BMP6: variants seen among roughly 807,000 people sequenced by gnomAD.
BMP6 encodes the protein VG-1-R.
In BMP6, 17 loss-of-function variants were observed where a neutral mutation model predicts 54.1. That is an observed-to-expected ratio of 0.31 (90% CI 0.22 to 0.47). The LOEUF (loss-of-function observed/expected upper bound fraction) is 0.47. BMP6 is among the 20% of genes least tolerant of loss of function. The pLI is 1.00. For synonymous variants in BMP6, 328 were observed against 291.2 expected (o/e 1.13, Z -1.28); for missense variants, 720 against 690.4 (o/e 1.04, Z -0.48).
At chr6:7,791,731 A>G (rs1056387758) in intron 1 of BMP6, among the ~76,000 whole-genome samples, 15 of 152,150 alleles carry the variant, frequency 9.9e-5, no homozygotes, top group African/African-American at 3.4e-4. Context: ...TCTCCAGCGA[A>G]TGACGTTGCC....
chr6:7,753,235 CAA>C, intron 1 of BMP6, among the ~76,000 whole-genome samples: 1 of 152,198 alleles, frequency 6.6e-6, no homozygotes, highest in African/African-American at 2.4e-5. Context: ...GACTTCGCCC[CAA>C]GTCATCCACT....
intron 4 of BMP6, 133 bp from the exon 5 acceptor site, chr6:7,878,941 T>C: frequency 1.2e-6 from 1 of 845,858 alleles, no homozygotes. Flanking sequence ...AGCTGTTGGG[T>C]GACCATACTT....
Position 7,742,865 on chromosome 6 carries a change from A to C in BMP6, c.664+15246A>C, listed in dbSNP as rs145297034. 2.2e-4 allele frequency among the ~76,000 whole-genome samples: 33 copies of C among 152,286 alleles called. No individual in the cohort carries two copies. The East Asian group carries it at 6.0e-3, about 28-fold the overall frequency. On this transcript the variant is annotated intron_variant, in intron 1 of 6. Transcript: ENST00000283147. ...AAAATTAAACAACCCTTCAGTACTT[A>C]AATTATGTATAATGAGACAGGTAGG...
intron 2 of BMP6, among the ~76,000 whole-genome samples, chr6:7,849,677 A>G (rs1012931975): frequency 6.6e-6 from 1 of 152,230 alleles, no homozygotes; most frequent in South Asian, 2.1e-4. Context: ...TGAATTTTGT[A>G]TACCTAGAAG....
intron 3 of BMP6, 133 bp downstream of exon 3, chr6:7,861,732 C>T: frequency 7.6e-7 from 1 of 1,321,528 alleles, no homozygotes; most frequent in Non-Finnish European, 1.0e-6. Flanking sequence ...TACTGATCCC[C>T]CATGACTTGC....
chr6:7,770,034 C>T (rs942812445), intron 1 of BMP6, among the ~76,000 whole-genome samples: 1 of 152,146 alleles, frequency 6.6e-6, no homozygotes, highest in African/African-American at 2.4e-5. Flanking sequence ...ATGTCCCCTC[C>T]TCCAACACCA....
intron 2 of BMP6, among the ~76,000 whole-genome samples, chr6:7,850,931 T>C (rs1759133260): frequency 6.6e-6 from 1 of 152,238 alleles, no homozygotes; most frequent in Admixed American, 6.5e-5. Context: ...ATAAATTAGG[T>C]GACTATATAT....
chr6:7,759,176 G>A (rs555563023), intron 1 of BMP6, among the ~76,000 whole-genome samples: 98 of 152,194 alleles, frequency 6.4e-4, no homozygotes, highest in African/African-American at 2.1e-3. Flanking sequence ...TTTCATATCC[G>A]TTAAGTTCCT....
At chr6:7,783,774 A>G (rs1183640599) in intron 1 of BMP6, among the ~76,000 whole-genome samples, 1 of 152,220 alleles carries the variant, frequency 6.6e-6, no homozygotes, top group Non-Finnish European at 1.5e-5. Flanking sequence ...GTCCATTCCA[A>G]ATAGTCAGCA....
intron 1 of BMP6, among the ~76,000 whole-genome samples, chr6:7,763,039 A>G (rs906968300): frequency 4.6e-5 from 7 of 152,224 alleles, no homozygotes; most frequent in Non-Finnish European, 8.8e-5. Flanking sequence ...GTAAACTCCT[A>G]TGCGCCTTTG....
At chr6:7,875,360 C>G (rs1214097958) in intron 4 of BMP6, among the ~76,000 whole-genome samples, 1 of 152,082 alleles carries the variant, frequency 6.6e-6, no homozygotes, top group Non-Finnish European at 1.5e-5. Flanking sequence ...CCAGAAATAC[C>G]TTCACAGATA....
rs1759334509 is a variant in BMP6, at chr6:7,861,504, G to C, written c.911G>C (p.Gly304Ala). 2 of 1,614,030 alleles carry C rather than the reference G, an allele frequency of 1.2e-6. No homozygotes were observed. Among genetic ancestry groups the C allele is most frequent in the Non-Finnish European group, 1.7e-6 (2 of 1,180,036 alleles). ...CGTGTAGTATGGGCCTCAGAAGAAGGCTGGCTGGAATTTGACATCACGGCC... is the reference window on the plus strand; with the variant it reads ...CGTGTAGTATGGGCCTCAGAAGAAGCCTGGCTGGAATTTGACATCACGGCC... ...DTRVVWASEE[G>A]WLEFDITATS... The change falls in exon 3 of 7, where the codon GGC becomes GCC. Residue 304 changes from glycine (G) to alanine (A), a missense_variant. Around this residue, in one of 3 missense-constraint regions of BMP6, gnomAD observed 650 missense variants for 556.3 expected, o/e 1.17. Transcript: ENST00000283147.
chr6:7,727,455 G>A lies in BMP6; in HGVS notation c.500G>A (p.Ser167Asn). 1 of 1,599,316 alleles carries A rather than the reference G, an allele frequency of 6.3e-7. No individual in the cohort carries two copies. The highest frequency in any genetic ancestry group is 8.5e-7 in the Non-Finnish European group (1 of 1,175,898). The stretch of plus-strand genomic sequence containing the variant: ...CAGTCCTGGCCCCACGAAGCAGCCA[G>A]CTCGTCCCAGCGTCGGCAGCCGCCC... Reference protein sequence around the residue: ...RQQSWPHEAASSSQRRQPPPG... With the variant: ...RQQSWPHEAANSSQRRQPPPG... The change falls in exon 1 of 7, where the codon AGC becomes AAC. Residue 167 changes from serine to asparagine, a missense_variant. Coordinates refer to ENST00000283147, the MANE Select transcript of BMP6 (RefSeq NM_001718.6).
At chr6:7,823,839 C>T (rs1215347999) in intron 1 of BMP6, among the ~76,000 whole-genome samples, 1 of 152,162 alleles carries the variant, frequency 6.6e-6, no homozygotes, top group African/African-American at 2.4e-5. Context: ...CAAGCCAGGG[C>T]CCTACGTGGG....
At chr6:7,858,177 G>C (rs911830887) in intron 2 of BMP6, among the ~76,000 whole-genome samples, 1 of 152,104 alleles carries the variant, frequency 6.6e-6, no homozygotes, top group Non-Finnish European at 1.5e-5. Context: ...CCACTTCCCC[G>C]GACTCAGGTG....
chr6:7,745,612 T>TA (rs1757334291), intron 1 of BMP6, among the ~76,000 whole-genome samples: 2 of 152,200 alleles, frequency 1.3e-5, no homozygotes, highest in African/African-American at 4.8e-5. Context: ...TCTTCAGTGT[T>TA]AGACATGACA....
chr6:7,775,530 T>A (rs1490451204), intron 1 of BMP6, among the ~76,000 whole-genome samples: 1 of 152,220 alleles, frequency 6.6e-6, no homozygotes, highest in Admixed American at 6.5e-5. Context: ...TTTATTGTAA[T>A]GTAAGAATAA....
intron 1 of BMP6, among the ~76,000 whole-genome samples, chr6:7,785,151 G>A (rs565537189): frequency 2.0e-4 from 31 of 152,320 alleles, no homozygotes; most frequent in African/African-American, 7.0e-4. Flanking sequence ...ATGGTGGTCC[G>A]CTTTTAGCAT....
chr6:7,868,910 C>T (rs1759475152), intron 4 of BMP6, among the ~76,000 whole-genome samples: 1 of 152,220 alleles, frequency 6.6e-6, no homozygotes, highest in Admixed American at 6.5e-5. Context: ...CTCCTTCTCA[C>T]CTGCTTTCTG....
Sources: allele counts gnomAD v4.1 joint callset (sites outside exome capture counted in the v4.1 genomes callset), GRCh38; gene constraint gnomAD v4.1.1; regional missense constraint gnomAD v4.1.1; transcripts MANE v1.5; gene names NCBI Gene and HGNC (gene_info 2026-07-23, HGNC 2026-07-21).